Variants in STXBP4 observed in about 807,000 individuals in gnomAD.
STXBP4 encodes syntaxin-binding protein 4.
In STXBP4, 55 loss-of-function variants were observed where a neutral mutation model predicts 76.1. That is an observed-to-expected ratio of 0.72 (90% confidence interval 0.58 to 0.91). The LOEUF (loss-of-function observed/expected upper bound fraction) is 0.91. Ranked by LOEUF, STXBP4 falls within the 40% of genes least tolerant of loss-of-function variation. The pLI is 0.00. For synonymous variants in STXBP4, 201 were observed against 220.2 expected (o/e 0.91, Z 0.77); for missense variants, 618 against 636.9 (o/e 0.97, Z 0.32).
chr17:55,000,905 A>T (rs1474385732), intron 7 of STXBP4, 22 bp downstream of exon 7: 2 of 1,466,104 alleles, frequency 1.4e-6, no homozygotes, highest in Admixed American at 1.7e-5. Flanking sequence ...TTTAATTTCT[A>T]TTTCCTGTTT....
At chr17:55,016,325 G>C (rs1353880905) in intron 8 of STXBP4, among the ~76,000 whole-genome samples, 1 of 152,126 alleles carries the variant, frequency 6.6e-6, no homozygotes, top group East Asian at 1.9e-4. Context: ...CTTTACCAGT[G>C]TGCCCAACGT....
At chr17:55,002,188 G>C (rs1011816779) in intron 7 of STXBP4, among the ~76,000 whole-genome samples, 1 of 152,100 alleles carries the variant, frequency 6.6e-6, no homozygotes, top group Non-Finnish European at 1.5e-5. Context: ...GTCATGAGAT[G>C]AGCATCAAAA....
intron 8 of STXBP4, among the ~76,000 whole-genome samples, chr17:55,020,628 G>A (rs1011195980): frequency 2.0e-5 from 3 of 152,102 alleles, no homozygotes; most frequent in Non-Finnish European, 4.4e-5. Flanking sequence ...GACTAGGCTG[G>A]CCAACATGGT....
chr17:54,998,217 G>A (rs1477877921), intron 4 of STXBP4, among the ~76,000 whole-genome samples: 1 of 152,098 alleles, frequency 6.6e-6, no homozygotes, highest in Non-Finnish European at 1.5e-5. Flanking sequence ...ATATATTTTA[G>A]TAGATAAGAC....
the STXBP4 span, among the ~76,000 whole-genome samples, chr17:55,182,807 A>T: frequency 6.6e-6 from 1 of 152,210 alleles, no homozygotes; most frequent in East Asian, 1.9e-4. Context: ...AAACAACAAC[A>T]ACAACAAAAA....
intron 16 of STXBP4, among the ~76,000 whole-genome samples, chr17:55,090,845 G>T (rs1435062168): frequency 2.1e-5 from 1 of 48,350 alleles, no homozygotes; most frequent in Non-Finnish European, 3.8e-5. Flanking sequence ...TTGTGTGTGT[G>T]TGTGTGTGTC....
chr17:55,099,052 T>G (rs990753895), intron 16 of STXBP4, among the ~76,000 whole-genome samples: 1 of 152,224 alleles, frequency 6.6e-6, no homozygotes, highest in African/African-American at 2.4e-5. Context: ...AGGAATGAAC[T>G]TAAAACAATG....
At chr17:54,999,527 G>A (rs2077872422) in intron 5 of STXBP4, 76 bp downstream of exon 5, 2 of 1,450,620 alleles carry the variant, frequency 1.4e-6, no homozygotes. Flanking sequence ...GATGTATTAA[G>A]TACTTTATAA....
At chr17:55,196,123 A>G in the STXBP4 span, among the ~76,000 whole-genome samples, 2 of 152,078 alleles carry the variant, frequency 1.3e-5, no homozygotes, top group Non-Finnish European at 2.9e-5. Flanking sequence ...CCCCCTCAAT[A>G]TGGGTTGGCT....
At chr17:55,211,187 A>G in the STXBP4 span, among the ~76,000 whole-genome samples, 1 of 152,168 alleles carries the variant, frequency 6.6e-6, no homozygotes, top group South Asian at 2.1e-4. Context: ...AGCATCATTC[A>G]TTTCAATCAT....
At position 55,162,888 on chromosome 17, in the gene STXBP4, A is replaced by G. The variant is rs554082839; in HGVS notation, c.*2977A>G. The G allele has an allele frequency of 1.5e-4, 23 of 152,344 alleles. No homozygotes were observed. The South Asian group carries it at 4.8e-3, about 32-fold the overall frequency. The allele number at this position is 152,344 out of a possible 1,614,324, so 9.4% of individuals were successfully genotyped here. On this transcript the variant is annotated 3_prime_UTR_variant, in exon 18 of 18. Coordinates refer to ENST00000376352, the MANE Select transcript of STXBP4 (RefSeq NM_178509.6). ...TAAAATATCACTACCCACATAACCT[A>G]TAATTTGTGTGGCCAGCAATTTATT...
At chr17:55,032,166 GTCT>G (rs1372655380) in intron 9 of STXBP4, among the ~76,000 whole-genome samples, 1 of 151,746 alleles carries the variant, frequency 6.6e-6, no homozygotes, top group Non-Finnish European at 1.5e-5. Context: ...AACACTTTTT[GTCT>G]TCTTGTCACT....
intron 10 of STXBP4, among the ~76,000 whole-genome samples, chr17:55,042,385 C>T (rs1217492773): frequency 1.3e-5 from 2 of 151,942 alleles, no homozygotes; most frequent in East Asian, 1.9e-4. Context: ...ATATAAGTTT[C>T]CAATAAGTGG....
At chr17:54,980,772 C>T (rs1810477193) in intron 1 of STXBP4, among the ~76,000 whole-genome samples, 1 of 152,196 alleles carries the variant, frequency 6.6e-6, no homozygotes, top group African/African-American at 2.4e-5. Context: ...TGCCTCCAGA[C>T]CCTATTCTCC....
rs572645447 is a variant in STXBP4, at chr17:55,036,638, T to G, written c.855+2379T>G. Among the ~76,000 whole-genome samples, 26 of 152,040 alleles carry G rather than the reference T, an allele frequency of 1.7e-4. No homozygotes were observed. In the South Asian group the frequency reaches 5.2e-3, roughly 30 times the overall value. ...TTATATATTTCTTTATTTTTGTTTC[T>G]GTTTTCAGATATACTTTTAAATAAA... is the stretch of plus-strand genomic sequence containing the variant. On this transcript the variant is annotated intron_variant, in intron 10 of 17. Transcript: ENST00000376352.
the STXBP4 span, among the ~76,000 whole-genome samples, chr17:55,198,577 C>T: frequency 3.4e-4 from 51 of 152,136 alleles, 1 homozygote; most frequent in South Asian, 6.3e-4. Context: ...GAGATAGAAC[C>T]CATGATTTTT....
At position 55,170,036 on chromosome 17, in the gene STXBP4, A is replaced by T. The variant is rs1393152564; in HGVS notation, c.*10125A>T. On this transcript the variant is annotated 3_prime_UTR_variant, in exon 18 of 18. Coordinates refer to ENST00000376352, the MANE Select transcript of STXBP4 (RefSeq NM_178509.6). Reference sequence around the variant, plus strand: ...ATTTTTAAAACACAGTAATTATGTTAGTGCAGGTACATGACATAGATATCC... The same window carrying T: ...ATTTTTAAAACACAGTAATTATGTTTGTGCAGGTACATGACATAGATATCC... 6.6e-6 allele frequency: 1 copy of T among 152,256 alleles called. No homozygotes were observed. The highest frequency in any genetic ancestry group is 1.5e-5 in the Non-Finnish European group (1 of 68,042). 9.4% of individuals were successfully genotyped at this position (152,256 alleles called of 1,614,324 possible). A position where few individuals can be genotyped will look rare whatever the true frequency, so the allele number is the denominator to read the frequency against.
intron 17 of STXBP4, among the ~76,000 whole-genome samples, chr17:55,157,834 A>G (rs1157496536): frequency 6.6e-6 from 1 of 152,206 alleles, no homozygotes; most frequent in East Asian, 1.9e-4. Context: ...TGTAATCAGT[A>G]GCCAATAAAG....
intron 16 of STXBP4, among the ~76,000 whole-genome samples, chr17:55,092,256 A>G (rs1042024278): frequency 1.3e-5 from 2 of 152,206 alleles, no homozygotes; most frequent in African/African-American, 4.8e-5. Flanking sequence ...AATCACACCT[A>G]AAGAACTTAT....
Sources: gnomAD v4.1 joint callset for allele counts (sites outside exome capture counted in the v4.1 genomes callset) on GRCh38, gnomAD v4.1.1 for gene constraint, MANE v1.5 for transcripts, NCBI Gene and HGNC (gene_info 2026-07-23, HGNC 2026-07-21) for gene names.